The following MAP4K3 variants were observed in gnomAD, a reference collection of about 807,000 sequenced individuals.
The protein encoded by MAP4K3 is MAPK/ERK kinase kinase kinase 3.
Under a neutral mutation model 143.5 loss-of-function variants are expected in MAP4K3, and 94 were observed. The observed-to-expected ratio is 0.65, with a 90% CI of 0.55 to 0.78. MAP4K3 has a LOEUF of 0.78. Among genes scored for constraint, MAP4K3 ranks in the 30% least tolerant of loss-of-function variants. The probability of loss-of-function intolerance (pLI) is 0.00; values close to 1 mark genes in which losing one functional copy is unlikely to be tolerated. For synonymous variants in MAP4K3, 416 were observed against 347.2 expected, an observed-to-expected ratio of 1.20 and a Z score of -2.20; for missense variants, 1,077 against 1,068.1, an observed-to-expected ratio of 1.01 and a Z score of -0.12.
chr2:39,308,105 T>G, intron 14 of MAP4K3, 100 bp from the exon 15 acceptor site: 1 of 748,126 alleles, frequency 1.3e-6, no homozygotes, highest in Non-Finnish European at 2.1e-6. Flanking sequence ...GTCCTGCTAA[T>G]ATAATTTTAT....
At chr2:39,259,777 A>C (rs961159212) in intron 29 of MAP4K3, among the ~76,000 whole-genome samples, 4 of 152,212 alleles carry the variant, frequency 2.6e-5, no homozygotes, top group African/African-American at 9.6e-5. Flanking sequence ...TTTTGTTTGA[A>C]GAAAAAAAGT....
chr2:39,272,511 A>G lies in MAP4K3; in HGVS notation c.1826T>C (p.Val609Ala). The G allele has an allele frequency of 6.2e-7, 1 of 1,613,532 alleles. No individual in the cohort carries two copies. Among genetic ancestry groups the G allele is most frequent in the South Asian group, 1.1e-5 (1 of 91,056 alleles). Reference protein sequence around the residue: ...LFPRRCTWLYVMNNCLLSISG... With the variant: ...LFPRRCTWLYAMNNCLLSISG... ...TATTGATAGCAAGCAATTGTTCATT[A>G]CATACAACCATGTACACCTTCGAGG... Residue 609 changes from valine (V) to alanine (A), a missense_variant, in exon 25 of 34, where the codon GTA (valine) becomes GCA (alanine). By Grantham distance (64) the Val-to-Ala change is moderately conservative. This residue lies in a region of MAP4K3 where 864 missense variants were observed against 801.2 expected (regional missense o/e 1.08). Coordinates refer to ENST00000263881, the MANE Select transcript of MAP4K3 (RefSeq NM_003618.4).
Position 39,437,053 on chromosome 2 carries a change from C to A in MAP4K3, c.-66G>T, listed in dbSNP as rs1665514205. 1.6e-6 allele frequency: 2 copies of A among 1,256,156 alleles called. No individual in the cohort carries two copies. Among genetic ancestry groups the A allele is most frequent in the Non-Finnish European group, 1.1e-6 (1 of 910,158 alleles). 77.8% of individuals were successfully genotyped at this position (1,256,156 alleles called of 1,614,324 possible). A position where few individuals can be genotyped will look rare whatever the true frequency, so the allele number is the denominator to read the frequency against. ...GAGGGGGGCCGCTCAGGGGGCCACA[C>A]GGAGAGAGGGCGCCGCGGCCGGCTC... On this transcript the variant is annotated 5_prime_UTR_variant, in exon 1 of 34. Transcript: ENST00000263881.
chr2:39,406,405 AC>A (rs1340544881), intron 1 of MAP4K3, among the ~76,000 whole-genome samples: 1 of 152,166 alleles, frequency 6.6e-6, no homozygotes, highest in African/African-American at 2.4e-5. Context: ...AGCAGATTTA[AC>A]CCAAAGAAGA....
chr2:39,326,013 C>A (rs1267028548), intron 9 of MAP4K3, 52 bp from the exon 10 acceptor site: 4 of 1,501,834 alleles, frequency 2.7e-6, no homozygotes, highest in Non-Finnish European at 3.7e-6. Flanking sequence ...ACATTTTTAT[C>A]TATTACACAA....
chr2:39,354,429 T>A (rs1029506360), intron 3 of MAP4K3, among the ~76,000 whole-genome samples: 44 of 151,892 alleles, frequency 2.9e-4, no homozygotes, highest in Admixed American at 2.8e-3. Flanking sequence ...GGTGACAGAC[T>A]GAGATTCCAT....
rs142513461 is a variant in MAP4K3 at position 39,359,337 on chromosome 2, G to T, written c.155-2998C>A. On this transcript the variant is annotated intron_variant, in intron 2 of 33. Transcript: ENST00000263881. Reference sequence around the variant, plus strand: ...ACTCCATGTCTCACATCCAGGTCATGCTGATAACAAGAGGTGGACTCCCAT... The same window carrying T: ...ACTCCATGTCTCACATCCAGGTCATTCTGATAACAAGAGGTGGACTCCCAT... 2.6e-3 allele frequency among the ~76,000 whole-genome samples: 394 copies of T among 152,316 alleles called. 3 individuals are homozygous for T. The highest frequency in any genetic ancestry group is 9.0e-3 in the African/African-American group (376 of 41,582).
At chr2:39,381,469 A>C (rs1195445801) in intron 1 of MAP4K3, among the ~76,000 whole-genome samples, 2 of 152,198 alleles carry the variant, frequency 1.3e-5, no homozygotes, top group Non-Finnish European at 2.9e-5. Context: ...TGAAACACAA[A>C]ACCTTTTCAT....
intron 15 of MAP4K3, among the ~76,000 whole-genome samples, chr2:39,301,844 G>C (rs1479090109): frequency 6.6e-6 from 1 of 152,076 alleles, no homozygotes; most frequent in Non-Finnish European, 1.5e-5. Context: ...CCAACATGAT[G>C]AAACCCTGTC....
rs758551037 is a variant in MAP4K3 at position 39,272,418 on chromosome 2, T to C, written c.1856-18A>G. ...AGCTTTACCTATAAAGAAAAACAGATATGACATAAAAGCTAATAATAAATA... is the reference window on the plus strand; with the variant it reads ...AGCTTTACCTATAAAGAAAAACAGACATGACATAAAAGCTAATAATAAATA... On this transcript the variant is annotated intron_variant, in intron 25 of 33. Transcript: ENST00000263881. 6.2e-7 allele frequency: 1 copy of C among 1,604,148 alleles called. No homozygotes were observed. The highest frequency in any genetic ancestry group is 8.5e-7 in the Non-Finnish European group (1 of 1,171,490).
At position 39,356,241 on chromosome 2, in the gene MAP4K3, CAG is replaced by C; in HGVS notation, c.245+6_245+7del. 1 of 1,521,862 alleles carries C rather than the reference CAG, an allele frequency of 6.6e-7. No homozygotes were observed. Among genetic ancestry groups the C allele is most frequent in the South Asian group, 1.2e-5 (1 of 82,130 alleles). The allele number at this position is 1,521,862 out of a possible 1,614,324, so 94.3% of individuals were successfully genotyped here. Reference sequence around the variant, plus strand: ...TATTGCTTTTCAAAAGGGAAACAAACAGTATACCTGAGATAGCTTCCAAAATA... The same window carrying C: ...TATTGCTTTTCAAAAGGGAAACAAACTATACCTGAGATAGCTTCCAAAATA... On this transcript the variant is annotated splice_donor_region_variant and intron_variant, in intron 3 of 33. Transcript: ENST00000263881.
At chr2:39,332,646 C>T (rs1399457763) in intron 7 of MAP4K3, among the ~76,000 whole-genome samples, 1 of 152,018 alleles carries the variant, frequency 6.6e-6, no homozygotes, top group African/African-American at 2.4e-5. Flanking sequence ...GAGTGAGGCA[C>T]ATCACACTGG....
rs550783372 is a variant in MAP4K3, at chr2:39,391,036, G to A, written c.97-12913C>T. Among the ~76,000 whole-genome samples the A allele has an allele frequency of 3.1e-3, 479 of 152,188 alleles. 2 individuals carry two copies. Among genetic ancestry groups the A allele is most frequent in the African/African-American group, 0.011 (465 of 41,532 alleles). On this transcript the variant is annotated intron_variant, in intron 1 of 33. Transcript: ENST00000263881. ...TGTTAAATATATTCTGGAAAAAAAA[G>A]AGTTATTGGTTAAGTATTAGAAATA... is the stretch of plus-strand genomic sequence containing the variant.
intron 1 of MAP4K3, among the ~76,000 whole-genome samples, chr2:39,382,836 A>G (rs969331670): frequency 2.0e-5 from 3 of 152,180 alleles, no homozygotes; most frequent in Non-Finnish European, 4.4e-5. Context: ...TGTAACCACC[A>G]ACTTATAAGC....
rs1573169563 is a variant in MAP4K3, at chr2:39,337,751, A to ATTTT, written c.311-171_311-170insAAAA. ...CTACTGTCCTACTGTGCCTGGCTCC[A>ATTTT]GTTTTTTTTTTTTTTTTTTTTTTTT... On this transcript the variant is annotated intron_variant, in intron 4 of 33. Transcript: ENST00000263881. 7.5e-5 allele frequency among the ~76,000 whole-genome samples: 6 copies of ATTTT among 80,124 alleles called. No homozygotes were observed. In the East Asian group the frequency reaches 2.2e-3, roughly 30 times the overall value. 52.6% of individuals were successfully genotyped at this position (80,124 alleles called of 152,430 possible).
chr2:39,290,978 A>G (rs10179936), intron 18 of MAP4K3, among the ~76,000 whole-genome samples: 111,329 of 152,028 alleles, frequency 0.73, 45,097 homozygotes, highest in Non-Finnish European at 0.9. Context: ...GGAGAATGGC[A>G]TGAACCTGGG....
chr2:39,357,906 G>A (rs1665655710), intron 2 of MAP4K3, among the ~76,000 whole-genome samples: 2 of 152,170 alleles, frequency 1.3e-5, no homozygotes, highest in African/African-American at 4.8e-5. Context: ...TCTAGTCAGA[G>A]TGAACCCAAG....
At position 39,260,603 on chromosome 2, in the gene MAP4K3, A is replaced by C; in HGVS notation, c.2308+3T>G. 6.2e-7 allele frequency: 1 copy of C among 1,613,500 alleles called. No individual in the cohort carries two copies. Among genetic ancestry groups the C allele is most frequent in the Non-Finnish European group, 8.5e-7 (1 of 1,179,682 alleles). On this transcript the variant is annotated splice_donor_region_variant and intron_variant, in intron 29 of 33. Transcript: ENST00000263881. The stretch of plus-strand genomic sequence containing the variant: ...CCTTAATAATTCCATAAAAATTACA[A>C]ACCTGATTCTGTAAACCATGAAGAG...
In MAP4K3 at chr2:39,437,034, G is replaced by A. The variant is rs769991982; in HGVS notation, c.-47C>T. 5.3e-5 allele frequency: 78 copies of A among 1,479,406 alleles called. No individual in the cohort carries two copies. The Middle Eastern group carries it at 9.9e-4, about 19-fold the overall frequency. 91.6% of individuals were successfully genotyped at this position (1,479,406 alleles called of 1,614,324 possible). A position where few individuals can be genotyped will look rare whatever the true frequency, so the allele number is the denominator to read the frequency against. ...GCCTCCCTCCCGGGCAGGGGAGGGG[G>A]GCCGCTCAGGGGGCCACACGGAGAG... On this transcript the variant is annotated 5_prime_UTR_variant, in exon 1 of 34. Coordinates refer to ENST00000263881, the MANE Select transcript of MAP4K3 (RefSeq NM_003618.4).
Sources: allele counts gnomAD v4.1 joint callset (sites outside exome capture counted in the v4.1 genomes callset), GRCh38; gene constraint gnomAD v4.1.1; regional missense constraint gnomAD v4.1.1; transcripts MANE v1.5; gene names NCBI Gene and HGNC (gene_info 2026-07-23, HGNC 2026-07-21).